The following RNF44 variants were observed in gnomAD, a reference collection of about 807,000 sequenced individuals.
RNF44 encodes ring finger protein 44.
RNF44 carries 25 observed loss-of-function variants against 53.6 expected under a neutral mutation model. That is an observed-to-expected ratio of 0.47 (90% CI 0.34 to 0.65). The LOEUF is 0.65. RNF44 is among the 30% of genes least tolerant of loss of function. The pLI is 0.01. For synonymous variants in RNF44, 282 were observed against 252.2 expected, an observed-to-expected ratio of 1.12 and a Z score of -1.12; for missense variants, 581 against 595.5, an observed-to-expected ratio of 0.98 and a Z score of 0.25.
At chr5:176,541,147 G>A (rs922859417), upstream of RNF44, among the ~76,000 whole-genome samples, 32 of 152,220 alleles carry the variant, frequency 2.1e-4, 1 homozygote, top group Admixed American at 5.9e-4. Flanking sequence ...AACCTCAGAT[G>A]GGAGTGGCCC....
rs966263967 is a variant in RNF44 at position 176,527,305 on chromosome 5, G to C, written c.*1723C>G. On this transcript the variant is annotated 3_prime_UTR_variant, in exon 11 of 11. Coordinates refer to ENST00000274811, the MANE Select transcript of RNF44 (RefSeq NM_014901.5). ...TGTATAAATCTTGTTTTTTAATGATGATCTTTTTAAATGCTGTGTTTCCCC... is the reference window on the plus strand; with the variant it reads ...TGTATAAATCTTGTTTTTTAATGATCATCTTTTTAAATGCTGTGTTTCCCC... 6.6e-6 allele frequency: 1 copy of C among 152,400 alleles called. No individual in the cohort carries two copies. Among genetic ancestry groups the C allele is most frequent in the Non-Finnish European group, 1.5e-5 (1 of 68,038 alleles). 9.4% of individuals were successfully genotyped at this position (152,400 alleles called of 1,614,324 possible).
chr5:176,538,693 TGGGGCAG>T (rs72092198), upstream of RNF44, among the ~76,000 whole-genome samples: 36,852 of 151,902 alleles, frequency 0.24, 4,747 homozygotes, highest in Middle Eastern at 0.32. Context: ...TGGTGGGCCA[TGGGGCAG>T]GGGGATGGGG....
In RNF44 at chr5:176,527,560, G is replaced by C. The variant is rs1306361393; in HGVS notation, c.*1468C>G. ...AAGACTTTGGGTTCTCCATGGGGGT[G>C]GGACCAGGCTGACGGGCCCCACGGC... On this transcript the variant is annotated 3_prime_UTR_variant, in exon 11 of 11. Transcript: ENST00000274811. The C allele has an allele frequency of 6.6e-6, 1 of 152,442 alleles. No individual in the cohort carries two copies. Among genetic ancestry groups the C allele is most frequent in the Non-Finnish European group, 1.5e-5 (1 of 68,062 alleles). The allele number at this position is 152,442 out of a possible 1,614,324, so 9.4% of individuals were successfully genotyped here.
Position 176,530,921 on chromosome 5 carries a change from G to GGGC in RNF44, c.565_566insGCC (p.Ala189delinsGlyPro). The stretch of plus-strand genomic sequence containing the variant: ...CATGTGGGTGGGCTGGGGGGGTGGG[G>GGGC]CCGGTGGTGGGGGGTGCAGGATGTA... On this transcript the variant is annotated protein_altering_variant, in exon 5 of 11. Transcript: ENST00000274811. 3.9e-6 allele frequency: 3 copies of GGGC among 778,462 alleles called. No individual in the cohort carries two copies. Among genetic ancestry groups the GGGC allele is most frequent in the Non-Finnish European group, 5.8e-6 (3 of 514,212 alleles). 48.2% of individuals were successfully genotyped at this position (778,462 alleles called of 1,614,324 possible).
rs1458208237 is a variant in RNF44 at position 176,536,924 on chromosome 5, C to G, written c.-45+16G>C. 6.6e-6 allele frequency: 1 copy of G among 151,360 alleles called. No homozygotes were observed. The highest frequency in any genetic ancestry group is 6.6e-5 in the Admixed American group (1 of 15,130). The allele number at this position is 151,360 out of a possible 1,614,324, so 9.4% of individuals were successfully genotyped here. On this transcript the variant is annotated intron_variant, in intron 1 of 10. Transcript: ENST00000274811. ...GGTGGGGGAATAGGAAGTTGGGGGC[C>G]CTGGCACCGACTCACCTTTGGCCGC...
Position 176,531,281 on chromosome 5 carries a change from G to GA in RNF44, c.465+181dup, listed in dbSNP as rs745444573. Among the ~76,000 whole-genome samples, 116 of 152,360 alleles carry GA rather than the reference G, an allele frequency of 7.6e-4. No homozygotes were observed. The highest frequency in any genetic ancestry group is 1.4e-3 in the Non-Finnish European group (95 of 68,026). On this transcript the variant is annotated intron_variant, in intron 4 of 10. Coordinates refer to ENST00000274811, the MANE Select transcript of RNF44 (RefSeq NM_014901.5). The surrounding 1 kb of genome is among the most constrained non-coding windows in gnomAD (Gnocchi z 4.2). ...GGGTACTGGAAGGTTCCTGAACCTTGAAACACTCTATTACCAAATGTGAAC... is the reference window on the plus strand; with the variant it reads ...GGGTACTGGAAGGTTCCTGAACCTTGAAAACACTCTATTACCAAATGTGAAC...
chr5:176,534,449 A>T (rs541892884), intron 1 of RNF44, among the ~76,000 whole-genome samples: 7 of 152,186 alleles, frequency 4.6e-5, no homozygotes, highest in Admixed American at 3.9e-4. Context: ...CTACACACAC[A>T]GCCTCCCGAA....
chr5:176,530,580 A>G lies in RNF44; in HGVS notation c.801+2T>C. On this transcript the variant is annotated splice_donor_variant, in intron 6 of 10. Coordinates refer to ENST00000274811, the MANE Select transcript of RNF44 (RefSeq NM_014901.5). LOFTEE classifies it high-confidence loss of function. ...CCAGGTGGGGGTCGGGGTGGCACTC[A>G]CCACACCAAAGGACAGCTCCTGGTG... 1 of 1,444,448 alleles carries G rather than the reference A, an allele frequency of 6.9e-7. No homozygotes were observed. The allele number at this position is 1,444,448 out of a possible 1,614,324, so 89.5% of individuals were successfully genotyped here. A position where few individuals can be genotyped will look rare whatever the true frequency, so the allele number is the denominator to read the frequency against.
chr5:176,536,593 T>G (rs770148266), intron 1 of RNF44, among the ~76,000 whole-genome samples: 32 of 152,012 alleles, frequency 2.1e-4, no homozygotes, highest in Non-Finnish European at 3.7e-4. Flanking sequence ...GAGGCGAGAC[T>G]GCAGCGCAGG....
chr5:176,531,588 C>T lies in RNF44; in HGVS notation c.340G>A (p.Val114Met), dbSNP rs769634387. 6.2e-7 allele frequency: 1 copy of T among 1,613,624 alleles called. No homozygotes were observed. Among genetic ancestry groups the T allele is most frequent in the African/African-American group, 1.3e-5 (1 of 75,038 alleles). The stretch of plus-strand genomic sequence containing the variant: ...GGCAAGGGGAAGCCTTGGGTCGTCA[C>T]TGTGGTGACCGTGTAGGACAGAGGG... ...PVPLSYTVTT[V>M]TTQGFPLPTG... The change falls in exon 4 of 11, where the codon GTG (valine) becomes ATG (methionine). Residue 114 changes from valine to methionine, a missense_variant. Around this residue, in one of 3 missense-constraint regions of RNF44, gnomAD observed 387 missense variants for 366.0 expected, o/e 1.06. Transcript: ENST00000274811. This position sits in a 1 kb window ranked among gnomAD's most constrained non-coding sequence, Gnocchi z 4.2.
Position 176,529,302 on chromosome 5 carries a change from C to T in RNF44, c.1222G>A (p.Asp408Asn). The change falls in exon 10 of 11, where the codon GAC becomes AAC. Residue 408 changes from aspartate (D) to asparagine (N), a missense_variant. Around this residue, in one of 3 missense-constraint regions of RNF44, gnomAD observed 183 missense variants for 198.6 expected, o/e 0.92. Transcript: ENST00000274811. ...GGCAGTGTTACCTTCAACCACTTGT[C>T]AACACACTTGGTGTGGAACTCATGG... Reference protein sequence around the residue: ...CNHEFHTKCVDKWLKANRTCP... With the variant: ...CNHEFHTKCVNKWLKANRTCP... The T allele has an allele frequency of 6.2e-7, 1 of 1,613,694 alleles. No individual in the cohort carries two copies. Among genetic ancestry groups the T allele is most frequent in the Non-Finnish European group, 8.5e-7 (1 of 1,179,960 alleles).
At chr5:176,529,858 G>A (rs1756395609) in intron 7 of RNF44, 40 bp from the exon 8 acceptor site, 2 of 1,533,034 alleles carry the variant, frequency 1.3e-6, no homozygotes, top group Non-Finnish European at 8.8e-7. Context: ...GTCAAGGTCA[G>A]GAGTGGGGCA....
chr5:176,536,774 C>T (rs1431836091), intron 1 of RNF44, among the ~76,000 whole-genome samples, 166 bp downstream of exon 1: 3 of 149,142 alleles, frequency 2.0e-5, no homozygotes, highest in African/African-American at 7.5e-5. Context: ...CCACGGGGGG[C>T]CTTGGGGGGG....
chr5:176,539,092 ATGT>A (rs1357414496), upstream of RNF44, among the ~76,000 whole-genome samples: 2 of 152,208 alleles, frequency 1.3e-5, no homozygotes, highest in African/African-American at 4.8e-5. Context: ...GGGAACAGAC[ATGT>A]TTATGGCAAT....
At position 176,537,045 on chromosome 5, in the gene RNF44, G is replaced by C. The variant is rs1482873949; in HGVS notation, c.-150C>G. The C allele has an allele frequency of 6.6e-6, 1 of 151,862 alleles. No individual in the cohort carries two copies. The highest frequency in any genetic ancestry group is 1.5e-5 in the Non-Finnish European group (1 of 68,088). The allele number at this position is 151,862 out of a possible 1,614,324, so 9.4% of individuals were successfully genotyped here. Reference sequence around the variant, plus strand: ...GGGTGCCTGTCTGGATCCTTTAAGAGCTCCCGCCCTGCGGAACAATGTGCT... The same window carrying C: ...GGGTGCCTGTCTGGATCCTTTAAGACCTCCCGCCCTGCGGAACAATGTGCT... On this transcript the variant is annotated 5_prime_UTR_variant, in exon 1 of 11. Transcript: ENST00000274811.
Position 176,531,138 on chromosome 5 carries a change from G to A in RNF44, c.466-117C>T, listed in dbSNP as rs1756620483. 25 of 756,030 alleles carry A rather than the reference G, an allele frequency of 3.3e-5. No homozygotes were observed. Among genetic ancestry groups the A allele is most frequent in the Non-Finnish European group, 5.0e-5 (25 of 501,590 alleles). 46.8% of individuals were successfully genotyped at this position (756,030 alleles called of 1,614,324 possible). ...CACACACCCAGCAGCTCCAGGGTCT[G>A]TATAAGAAACCCTGTGGAAGGCCCA... On this transcript the variant is annotated intron_variant, in intron 4 of 10. Coordinates refer to ENST00000274811, the MANE Select transcript of RNF44 (RefSeq NM_014901.5). This position sits in a 1 kb window ranked among gnomAD's most constrained non-coding sequence, Gnocchi z 4.2.
Position 176,531,976 on chromosome 5 carries a change from G to A in RNF44, c.297+28C>T, listed in dbSNP as rs370498858. ...CCTCTCAGACTGGCTCACAGGGCCA[G>A]GGGCACAGGGGATGGGGTTCTGCCT... is the stretch of plus-strand genomic sequence containing the variant. On this transcript the variant is annotated intron_variant, in intron 3 of 10. Transcript: ENST00000274811. The surrounding 1 kb of genome is among the most constrained non-coding windows in gnomAD (Gnocchi z 4.2). 5.7e-6 allele frequency: 9 copies of A among 1,583,718 alleles called. 1 individual carries two copies. The highest frequency in any genetic ancestry group is 3.4e-4 in the Middle Eastern group (2 of 5,886).
Position 176,527,538 on chromosome 5 carries a change from A to C in RNF44, c.*1490T>G, listed in dbSNP as rs939279555. The C allele has an allele frequency of 6.6e-6, 1 of 152,238 alleles. No homozygotes were observed. Among genetic ancestry groups the C allele is most frequent in the East Asian group, 1.9e-4 (1 of 5,180 alleles). The allele number at this position is 152,238 out of a possible 1,614,324, so 9.4% of individuals were successfully genotyped here. Reference sequence around the variant, plus strand: ...GTCACCTGGAGTTATATACAGTAAGACTTTGGGTTCTCCATGGGGGTGGGA... The same window carrying C: ...GTCACCTGGAGTTATATACAGTAAGCCTTTGGGTTCTCCATGGGGGTGGGA... On this transcript the variant is annotated 3_prime_UTR_variant, in exon 11 of 11. Coordinates refer to ENST00000274811, the MANE Select transcript of RNF44 (RefSeq NM_014901.5).
intron 5 of RNF44, 41 bp downstream of exon 5, chr5:176,530,807 C>T: frequency 6.8e-7 from 1 of 1,465,110 alleles, no homozygotes; most frequent in East Asian, 2.9e-5. Context: ...CTGCCTCCCC[C>T]CACGCCATCT....
Sources: allele counts gnomAD v4.1 joint callset (sites outside exome capture counted in the v4.1 genomes callset), GRCh38; gene constraint gnomAD v4.1.1; regional missense constraint gnomAD v4.1.1; non-coding constraint Gnocchi (gnomAD v3.1); transcripts MANE v1.5; gene names NCBI Gene and HGNC (gene_info 2026-07-23, HGNC 2026-07-21).